The following MEGF11 variants were observed in gnomAD, a reference collection of about 807,000 sequenced individuals.
MEGF11 encodes multiple EGF like domains 11, also known as multiple epidermal growth factor-like domains protein 11.
Under a neutral mutation model 146.6 loss-of-function variants are expected in MEGF11, and 126 were observed. The observed-to-expected ratio is 0.86, with a 90% CI of 0.74 to 1.00. The LOEUF (loss-of-function observed/expected upper bound fraction) is 1.00. Ranked by LOEUF, MEGF11 falls within the 50% of genes least tolerant of loss-of-function variation. The pLI is 0.00. For missense variants in MEGF11, 1,509 were observed against 1,521.2 expected, an observed-to-expected ratio of 0.99 and a Z score of 0.13; for synonymous variants, 532 against 583.4, an observed-to-expected ratio of 0.91 and a Z score of 1.27.
chr15:65,918,218 T>C (rs1469210947), intron 15 of MEGF11, 124 bp from the exon 16 acceptor site: 10 of 1,393,124 alleles, frequency 7.2e-6, no homozygotes, highest in Non-Finnish European at 9.8e-6. Flanking sequence ...TGGATCTGGA[T>C]GGAGACCACG....
At chr15:66,046,472 C>T (rs1052192510) in intron 5 of MEGF11, among the ~76,000 whole-genome samples, 3 of 152,164 alleles carry the variant, frequency 2.0e-5, no homozygotes, top group East Asian at 1.9e-4. Flanking sequence ...CAGCTGAAGC[C>T]GAAGGGACGG....
chr15:66,103,397 C>T (rs567404707), intron 4 of MEGF11, among the ~76,000 whole-genome samples: 1 of 152,338 alleles, frequency 6.6e-6, no homozygotes, highest in East Asian at 1.9e-4. Flanking sequence ...TACATAACCT[C>T]TCTGTGTCTC....
At chr15:66,184,841 A>T (rs1372274524) in intron 1 of MEGF11, among the ~76,000 whole-genome samples, 12 of 150,722 alleles carry the variant, frequency 8.0e-5, no homozygotes. Flanking sequence ...ATCCCAGCTC[A>T]GCTCTCCTTC....
chr15:66,146,523 A>G (rs905171899), intron 1 of MEGF11, among the ~76,000 whole-genome samples: 13 of 152,246 alleles, frequency 8.5e-5, no homozygotes, highest in Non-Finnish European at 1.2e-4. Context: ...CCAATAAGAC[A>G]CGGATTGGTG....
chr15:65,904,378 T>G (rs771687129), intron 24 of MEGF11, among the ~76,000 whole-genome samples: 1 of 152,216 alleles, frequency 6.6e-6, no homozygotes. Context: ...CACAGAAAAT[T>G]GCCAAAATAA....
rs1385178658 is a variant in MEGF11, at chr15:65,922,924, T to C, written c.1721A>G (p.Asn574Ser). 8 of 1,613,168 alleles carry C rather than the reference T, an allele frequency of 5.0e-6. No individual in the cohort carries two copies. Among genetic ancestry groups the C allele is most frequent in the South Asian group, 3.3e-5 (3 of 90,974 alleles). ...CTCACAGCTGCAGGAGACAGAGCAG[T>C]TGGGGCCCCAGCGGCCAGGTGGACA... ...STCPPGRWGPNCSVSCSCENG... is the reference protein window; with the variant it reads ...STCPPGRWGPSCSVSCSCENG... The change falls in exon 14 of 26, where the codon AAC (asparagine) becomes AGC (serine). Residue 574 changes from asparagine to serine, a missense_variant. Asn to Ser is a conservative substitution (Grantham distance 46, BLOSUM62 1). Transcript: ENST00000395614.
chr15:66,010,950 G>A (rs1161163449), intron 5 of MEGF11, among the ~76,000 whole-genome samples: 1 of 152,348 alleles, frequency 6.6e-6, no homozygotes. Flanking sequence ...GGGCACAGGT[G>A]CTGGGAGGGA....
intron 5 of MEGF11, among the ~76,000 whole-genome samples, chr15:66,052,966 T>C (rs931165003): frequency 6.6e-6 from 1 of 152,192 alleles, no homozygotes; most frequent in African/African-American, 2.4e-5. Flanking sequence ...AGGATCTTGA[T>C]GACCCAGTTT....
intron 4 of MEGF11, among the ~76,000 whole-genome samples, chr15:66,111,411 A>G (rs923966413): frequency 2.0e-4 from 31 of 152,256 alleles, no homozygotes; most frequent in African/African-American, 6.8e-4. Context: ...CCCAAAATAC[A>G]GTAAAAATAT....
intron 9 of MEGF11, among the ~76,000 whole-genome samples, chr15:65,959,552 C>G (rs2080784399): frequency 6.6e-6 from 1 of 152,106 alleles, no homozygotes; most frequent in Non-Finnish European, 1.5e-5. Flanking sequence ...ACTTTTAAGT[C>G]TTTAATACTT....
At chr15:66,093,539 C>T (rs1259176397) in intron 5 of MEGF11, among the ~76,000 whole-genome samples, 4 of 152,230 alleles carry the variant, frequency 2.6e-5, no homozygotes. Context: ...GACTCTACTC[C>T]AACTCAAAGC....
At chr15:66,138,879 C>T (rs893822932) in intron 1 of MEGF11, among the ~76,000 whole-genome samples, 1 of 152,030 alleles carries the variant, frequency 6.6e-6, no homozygotes, top group Non-Finnish European at 1.5e-5. Context: ...TCTGATGGGG[C>T]GTATGGGATG....
chr15:66,242,758 C>A (rs1172030017), intron 1 of MEGF11, among the ~76,000 whole-genome samples: 1 of 152,168 alleles, frequency 6.6e-6, no homozygotes, highest in East Asian at 1.9e-4. Context: ...AGGTCCTCTC[C>A]CACCTGGCTT....
intron 4 of MEGF11, among the ~76,000 whole-genome samples, chr15:66,097,566 C>T (rs1207858740): frequency 6.6e-6 from 1 of 152,144 alleles, no homozygotes; most frequent in African/African-American, 2.4e-5. Context: ...GCACATCCAT[C>T]TGCTGTCGTG....
intron 4 of MEGF11, among the ~76,000 whole-genome samples, chr15:66,116,120 C>T (rs2087715306): frequency 6.6e-6 from 1 of 152,114 alleles, no homozygotes; most frequent in Non-Finnish European, 1.5e-5. Flanking sequence ...TGATGGGGTT[C>T]CCTCTCCCAC....
At chr15:66,212,715 C>T (rs944855855) in intron 1 of MEGF11, among the ~76,000 whole-genome samples, 1 of 52 alleles carries the variant, frequency 0.019, no homozygotes, top group African/African-American at 0.056. Flanking sequence ...AGGGCCCATC[C>T]CCCAGAGGCT....
At chr15:65,920,836 T>A (rs1395499207) in intron 15 of MEGF11, among the ~76,000 whole-genome samples, 1 of 152,184 alleles carries the variant, frequency 6.6e-6, no homozygotes, top group Non-Finnish European at 1.5e-5. Flanking sequence ...ATTAGATCTA[T>A]ATGTGGGAAA....
At chr15:65,914,157 GGAGTC>G in intron 19 of MEGF11, 184 bp from the exon 20 acceptor site, 1 of 592,144 alleles carries the variant, frequency 1.7e-6, no homozygotes, top group South Asian at 2.1e-5. Context: ...TAAAGGGGAT[GGAGTC>G]TCAGGGTCAT....
chr15:66,065,168 A>G (rs1219732440), intron 5 of MEGF11, among the ~76,000 whole-genome samples: 1 of 152,174 alleles, frequency 6.6e-6, no homozygotes, highest in Non-Finnish European at 1.5e-5. Context: ...ACACGTCCCT[A>G]ACATCCCACC....
Sources: gnomAD v4.1 joint callset for allele counts (sites outside exome capture counted in the v4.1 genomes callset) on GRCh38, gnomAD v4.1.1 for gene constraint, MANE v1.5 for transcripts, NCBI Gene and HGNC (gene_info 2026-07-23, HGNC 2026-07-21) for gene names.